ARHGAP23: variants seen among roughly 807,000 people sequenced by gnomAD.
The protein encoded by ARHGAP23 is rho GTPase-activating protein 23.
A neutral mutation model predicts 136.3 loss-of-function variants in ARHGAP23; 34 were observed. The ratio of observed to expected loss-of-function variants is 0.25; its 90% CI spans 0.19 to 0.33. ARHGAP23 has a LOEUF of 0.33. Among genes scored for constraint, ARHGAP23 ranks in the 10% least tolerant of loss-of-function variants. ARHGAP23 has a pLI of 1.00. For synonymous variants in ARHGAP23, 832 were observed against 920.5 expected, an observed-to-expected ratio of 0.90 and a Z score of 1.74; for missense variants, 1,808 against 2,139.0, an observed-to-expected ratio of 0.85 and a Z score of 3.05.
Position 38,477,361 on chromosome 17 carries a change from G to A in ARHGAP23, c.2119-218G>A, listed in dbSNP as rs1030561186. Among the ~76,000 whole-genome samples, 6 of 152,062 alleles carry A rather than the reference G, an allele frequency of 3.9e-5. No homozygotes were observed. The highest frequency in any genetic ancestry group is 7.2e-5 in the African/African-American group (3 of 41,398). ...GGTTGGGGTCTGCTGGGGGGCTTTA[G>A]GATGATGGGTAGGGGTGTCTAGGCA... On this transcript the variant is annotated intron_variant, in intron 11 of 23. Transcript: ENST00000622683. This position sits in a 1 kb window ranked among gnomAD's most constrained non-coding sequence, Gnocchi z 6.6.
At chr17:38,490,975 T>A (rs1180544893) in intron 19 of ARHGAP23, among the ~76,000 whole-genome samples, 3 of 152,252 alleles carry the variant, frequency 2.0e-5, no homozygotes, top group Non-Finnish European at 4.4e-5. Context: ...CTGCAGTGCC[T>A]TGGCACGATC....
Position 38,471,994 on chromosome 17 carries a change from C to T in ARHGAP23, c.2106C>T (p.Thr702=). ...GGTTGTATTATAAGCAGATTCTCAC[C>T]AAGAAGGGGAAGGTAAGATGGGTGG... ...EGWLYYKQIL[T]KKGKKAGSGL... is the part of the protein sequence containing the mutation. The change falls in exon 11 of 24, where the codon ACC becomes ACT. Residue 702 remains threonine, a synonymous_variant. Coordinates refer to ENST00000622683, the MANE Select transcript of ARHGAP23 (RefSeq NM_001199417.2). 1.3e-6 allele frequency: 2 copies of T among 1,549,104 alleles called. No individual in the cohort carries two copies. Among genetic ancestry groups the T allele is most frequent in the Non-Finnish European group, 1.7e-6 (2 of 1,146,602 alleles).
At chr17:38,445,534 C>T (rs1298851045) in intron 1 of ARHGAP23, among the ~76,000 whole-genome samples, 2 of 151,868 alleles carry the variant, frequency 1.3e-5, no homozygotes, top group Admixed American at 6.6e-5. Flanking sequence ...CCATTTTTAA[C>T]TGTAAAGTGG....
Position 38,460,886 on chromosome 17 carries a change from A to T in ARHGAP23, c.226-19A>T. The T allele has an allele frequency of 2.0e-6, 3 of 1,535,594 alleles. No homozygotes were observed. The highest frequency in any genetic ancestry group is 2.6e-6 in the Non-Finnish European group (3 of 1,146,748). On this transcript the variant is annotated intron_variant, in intron 2 of 23. Transcript: ENST00000622683. ...GAGGGCTGGACTGACGCCCACACCC[A>T]CTCCTCTGTTCCCTGCAGGAGGAAG...
intron 11 of ARHGAP23, among the ~76,000 whole-genome samples, chr17:38,476,223 A>G (rs1173447965): frequency 2.0e-5 from 3 of 152,218 alleles, no homozygotes; most frequent in African/African-American, 4.8e-5. Flanking sequence ...GAATGGTTGC[A>G]GGAGCGAGAG....
chr17:38,445,919 G>C (rs991286767), intron 1 of ARHGAP23, among the ~76,000 whole-genome samples: 1 of 148,928 alleles, frequency 6.7e-6, no homozygotes, highest in Non-Finnish European at 1.5e-5. Context: ...CAGGTGCTGG[G>C]ATTACAGATG....
Position 38,497,841 on chromosome 17 carries a change from G to A in ARHGAP23, c.3318+15G>A, listed in dbSNP as rs572057212. On this transcript the variant is annotated intron_variant, in intron 21 of 23. Transcript: ENST00000622683. ...AGGGAGAGAGAGTAAGTGATGCCGC[G>A]GGCTGGGCTGGCATGGGGGCTGGTC... is the stretch of plus-strand genomic sequence containing the variant. The A allele has an allele frequency of 1.7e-5, 26 of 1,551,028 alleles. No individual in the cohort carries two copies. Among genetic ancestry groups the A allele is most frequent in the African/African-American group, 9.6e-5 (7 of 73,136 alleles).
intron 11 of ARHGAP23, among the ~76,000 whole-genome samples, chr17:38,472,370 A>G (rs980843125): frequency 2.6e-5 from 4 of 152,054 alleles, no homozygotes; most frequent in Admixed American, 1.3e-4. Context: ...AAGGCCCAAG[A>G]AGACGCAGGC....
chr17:38,492,696 C>G (rs2040303779), intron 20 of ARHGAP23, among the ~76,000 whole-genome samples: 1 of 152,256 alleles, frequency 6.6e-6, no homozygotes, highest in Non-Finnish European at 1.5e-5. Flanking sequence ...CCCTCCTTCA[C>G]TGCATGCTCA....
chr17:38,510,890 C>A lies in ARHGAP23; in HGVS notation c.4394C>A (p.Pro1465Gln). Residue 1465 changes from proline to glutamine, a missense_variant, in exon 24 of 24, where the codon CCG (proline) becomes CAG (glutamine). Physicochemically the swap from Pro to Gln is moderately conservative, Grantham distance 76. Coordinates refer to ENST00000622683, the MANE Select transcript of ARHGAP23 (RefSeq NM_001199417.2). The surrounding 1 kb of genome is among the most constrained non-coding windows in gnomAD (Gnocchi z 4.6). Reference protein sequence around the residue: ...ARAPSSAASQPPAPGDTGSLQ... With the variant: ...ARAPSSAASQQPAPGDTGSLQ... ...GCCCCGTCGTCCGCTGCCTCGCAGCCGCCCGCGCCCGGGGACACGGGGTCC... is the reference window on the plus strand; with the variant it reads ...GCCCCGTCGTCCGCTGCCTCGCAGCAGCCCGCGCCCGGGGACACGGGGTCC... 6.7e-7 allele frequency: 1 copy of A among 1,491,458 alleles called. No individual in the cohort carries two copies. The highest frequency in any genetic ancestry group is 8.9e-7 in the Non-Finnish European group (1 of 1,129,254). The allele number at this position is 1,491,458 out of a possible 1,614,324, so 92.4% of individuals were successfully genotyped here. A position where few individuals can be genotyped will look rare whatever the true frequency, so the allele number is the denominator to read the frequency against.
intron 1 of ARHGAP23, among the ~76,000 whole-genome samples, chr17:38,438,817 C>G (rs1306004582): frequency 2.6e-5 from 4 of 151,924 alleles, no homozygotes; most frequent in Admixed American, 6.6e-5. Context: ...AACCCCGTCT[C>G]TACTAAAAAT....
intron 1 of ARHGAP23, chr17:38,453,925 G>A (rs2039258573): frequency 6.9e-6 from 1 of 145,916 alleles, no homozygotes; most frequent in Non-Finnish European, 1.5e-5. Context: ...CCGGCCTGGG[G>A]CGTACTGGGG....
Position 38,466,866 on chromosome 17 carries a change from C to G in ARHGAP23, c.1183C>G (p.Arg395Gly), listed in dbSNP as rs963344006. The G allele has an allele frequency of 3.2e-6, 5 of 1,549,642 alleles. No individual in the cohort carries two copies. In the South Asian group the frequency reaches 4.8e-5, roughly 15 times the overall value. ...TGCCCGCACCCCCGCCTGCCCAACT[C>G]GGGACCTGCCAGGGCCCCAGGCCCC... ...SSARTPACPT[R>G]DLPGPQAPPP... The change falls in exon 7 of 24, where the codon CGG becomes GGG. Residue 395 changes from arginine to glycine, a missense_variant. Coordinates refer to ENST00000622683, the MANE Select transcript of ARHGAP23 (RefSeq NM_001199417.2).
At position 38,489,561 on chromosome 17, in the gene ARHGAP23, TC is replaced by T. The variant is rs544728469; in HGVS notation, c.2987-538del. Among the ~76,000 whole-genome samples the T allele has an allele frequency of 3.9e-3, 590 of 152,308 alleles. 8 individuals carry two copies. The highest frequency in any genetic ancestry group is 0.013 in the African/African-American group (552 of 41,570). ...GTGCCATCCATTCGGGATGTTTCAG[TC>T]CCTGGTAGGGCAGATCCTCCCGCGT... is the stretch of plus-strand genomic sequence containing the variant. On this transcript the variant is annotated intron_variant, in intron 17 of 23. Coordinates refer to ENST00000622683, the MANE Select transcript of ARHGAP23 (RefSeq NM_001199417.2).
chr17:38,496,642 C>T (rs1166708417), intron 20 of ARHGAP23, among the ~76,000 whole-genome samples: 2 of 151,944 alleles, frequency 1.3e-5, no homozygotes, highest in African/African-American at 4.8e-5. Flanking sequence ...TGTGGTGGCT[C>T]CAGAGAGCAG....
chr17:38,467,874 C>T (rs575428132), intron 7 of ARHGAP23, among the ~76,000 whole-genome samples: 1 of 152,200 alleles, frequency 6.6e-6, no homozygotes, highest in South Asian at 2.1e-4. Context: ...TTGTCCTTTC[C>T]ATCCACCCTC....
intron 14 of ARHGAP23, among the ~76,000 whole-genome samples, chr17:38,480,091 G>A (rs903193898): frequency 3.8e-4 from 58 of 152,198 alleles, no homozygotes; most frequent in Admixed American, 3.3e-3. Context: ...CCTGATTCCC[G>A]TCCCTGACAT....
intron 22 of ARHGAP23, among the ~76,000 whole-genome samples, chr17:38,499,667 G>A (rs538165033): frequency 3.0e-4 from 45 of 152,194 alleles, no homozygotes; most frequent in Non-Finnish European, 6.0e-4. Flanking sequence ...ATCACCCGCC[G>A]CCCCCCGCGC....
At chr17:38,478,085 G>GA (rs2039941158) in intron 12 of ARHGAP23, among the ~76,000 whole-genome samples, 189 bp downstream of exon 12, 1 of 152,200 alleles carries the variant, frequency 6.6e-6, no homozygotes, top group Non-Finnish European at 1.5e-5. Context: ...GCTCACGGGG[G>GA]ACCTGGCGTC....
Sources: gnomAD v4.1 joint callset for allele counts (sites outside exome capture counted in the v4.1 genomes callset) on GRCh38, gnomAD v4.1.1 for gene constraint, Gnocchi (gnomAD v3.1) non-coding constraint, MANE v1.5 for transcripts, NCBI Gene and HGNC (gene_info 2026-07-23, HGNC 2026-07-21) for gene names.